The following EPHB1 variants were observed in gnomAD, a reference collection of about 807,000 sequenced individuals.
EPHB1 encodes ephrin type-B receptor 1.
In EPHB1, 30 loss-of-function variants were observed where a neutral mutation model predicts 94.4. The ratio of observed to expected loss-of-function variants is 0.32; its 90% CI spans 0.24 to 0.43. The LOEUF (loss-of-function observed/expected upper bound fraction) is 0.43, where lower values mean the gene tolerates loss of function less well. EPHB1 is among the 20% of genes least tolerant of loss of function. The pLI, the probability that EPHB1 is intolerant of heterozygous loss-of-function variation, is 1.00. For synonymous variants in EPHB1, 522 were observed against 489.1 expected (o/e 1.07, Z -0.89); for missense variants, 1,055 against 1,308.3 (o/e 0.81, Z 2.99).
intron 12 of EPHB1, among the ~76,000 whole-genome samples, chr3:135,226,601 C>T (rs550841167): frequency 7.9e-5 from 12 of 152,164 alleles, no homozygotes; most frequent in African/African-American, 2.4e-4. Flanking sequence ...TGGCTCTGCA[C>T]GGCTGTGATA....
At chr3:135,213,916 T>C (rs1039416869) in intron 12 of EPHB1, among the ~76,000 whole-genome samples, 7 of 152,172 alleles carry the variant, frequency 4.6e-5, no homozygotes, top group African/African-American at 1.7e-4. Context: ...AGCCGTGCTC[T>C]CTGCAGGCCT....
intron 3 of EPHB1, among the ~76,000 whole-genome samples, chr3:134,970,618 G>A (rs1214639270): frequency 1.3e-5 from 2 of 151,892 alleles, no homozygotes; most frequent in African/African-American, 4.8e-5. Flanking sequence ...GTAGGGAAAG[G>A]ATCTGCTTGT....
At chr3:135,129,543 A>G (rs1298582981) in intron 4 of EPHB1, among the ~76,000 whole-genome samples, 1 of 152,234 alleles carries the variant, frequency 6.6e-6, no homozygotes, top group African/African-American at 2.4e-5. Flanking sequence ...GAGCAAAGGT[A>G]GAAAACCAGG....
intron 3 of EPHB1, among the ~76,000 whole-genome samples, chr3:135,014,922 T>G (rs895844496): frequency 5.3e-5 from 8 of 152,208 alleles, no homozygotes; most frequent in Non-Finnish European, 1.5e-5. Context: ...TTCTTCTTAT[T>G]TAATAGACCT....
chr3:135,195,084 A>G (rs1420721274), intron 11 of EPHB1, among the ~76,000 whole-genome samples: 1 of 152,194 alleles, frequency 6.6e-6, no homozygotes, highest in Non-Finnish European at 1.5e-5. Flanking sequence ...ACAAAGTTGA[A>G]TAAACTTGAA....
chr3:134,903,181 CA>C (rs1188762592), intron 1 of EPHB1, among the ~76,000 whole-genome samples: 2 of 152,210 alleles, frequency 1.3e-5, no homozygotes, highest in African/African-American at 4.8e-5. Context: ...GCGGGCACTC[CA>C]CTTGGAGCTC....
chr3:135,119,487 G>A (rs557636734), intron 4 of EPHB1, among the ~76,000 whole-genome samples: 4 of 151,856 alleles, frequency 2.6e-5, no homozygotes, highest in Admixed American at 2.0e-4. Context: ...GAGTCTCGCT[G>A]TGTTGCCCAG....
At chr3:135,149,153 A>G (rs1941112283) in intron 5 of EPHB1, among the ~76,000 whole-genome samples, 1 of 152,218 alleles carries the variant, frequency 6.6e-6, no homozygotes, top group Admixed American at 6.5e-5. Flanking sequence ...CTTTCCAAGT[A>G]ACCCCAAACT....
At chr3:135,213,946 G>T (rs1303386253) in intron 12 of EPHB1, among the ~76,000 whole-genome samples, 1 of 152,088 alleles carries the variant, frequency 6.6e-6, no homozygotes, top group African/African-American at 2.4e-5. Flanking sequence ...ATCATGAATT[G>T]CATTAAGTCT....
intron 1 of EPHB1, among the ~76,000 whole-genome samples, chr3:134,818,689 T>C (rs1389512254): frequency 6.6e-6 from 1 of 152,254 alleles, no homozygotes; most frequent in Non-Finnish European, 1.5e-5. Flanking sequence ...CAAATGCCGT[T>C]AATTCATTCC....
At chr3:134,803,063 C>A (rs967614914) in intron 1 of EPHB1, among the ~76,000 whole-genome samples, 1 of 152,204 alleles carries the variant, frequency 6.6e-6, no homozygotes, top group Non-Finnish European at 1.5e-5. Flanking sequence ...GACAGCACCA[C>A]TAGCAGCTGC....
chr3:135,090,018 G>A (rs967147744), intron 3 of EPHB1, among the ~76,000 whole-genome samples: 4 of 152,236 alleles, frequency 2.6e-5, no homozygotes, highest in Non-Finnish European at 5.9e-5. Context: ...TGGTGATACT[G>A]ATGTTCATCC....
At chr3:135,089,675 T>A (rs1938488380) in intron 3 of EPHB1, among the ~76,000 whole-genome samples, 1 of 152,204 alleles carries the variant, frequency 6.6e-6, no homozygotes, top group African/African-American at 2.4e-5. Context: ...TTCCTGGGCA[T>A]GAGAGGGAGC....
intron 1 of EPHB1, among the ~76,000 whole-genome samples, chr3:134,923,402 G>A (rs909337041): frequency 3.3e-5 from 5 of 152,144 alleles, no homozygotes; most frequent in Admixed American, 6.5e-5. Flanking sequence ...GAGATACCCT[G>A]TACCCCACCT....
At chr3:135,019,501 A>G (rs1935917911) in intron 3 of EPHB1, among the ~76,000 whole-genome samples, 1 of 152,248 alleles carries the variant, frequency 6.6e-6, no homozygotes, top group Non-Finnish European at 1.5e-5. Context: ...CAGAAATAAA[A>G]TATGCCTATC....
At chr3:135,156,241 G>A (rs1941350619) in intron 6 of EPHB1, among the ~76,000 whole-genome samples, 1 of 151,988 alleles carries the variant, frequency 6.6e-6, no homozygotes, top group Admixed American at 6.5e-5. Context: ...ATTCACATCT[G>A]GAGTTCAAGG....
At chr3:135,248,268 G>A (rs2107731053) in intron 13 of EPHB1, 48 bp from the exon 14 acceptor site, 1 of 1,466,140 alleles carries the variant, frequency 6.8e-7, no homozygotes, top group Admixed American at 2.0e-5. Context: ...TGAGTGACTG[G>A]CTGGTGGCAG....
intron 1 of EPHB1, among the ~76,000 whole-genome samples, chr3:134,880,224 C>T (rs895460716): frequency 2.0e-4 from 30 of 152,200 alleles, no homozygotes; most frequent in African/African-American, 7.0e-4. Context: ...GAACAGCTGA[C>T]TGGAAAGTGT....
intron 2 of EPHB1, among the ~76,000 whole-genome samples, chr3:134,926,166 G>A (rs949657382): frequency 6.6e-6 from 1 of 152,202 alleles, no homozygotes; most frequent in African/African-American, 2.4e-5. Context: ...CAGGCTAGTG[G>A]CACTGAGGCA....
Sources: allele counts gnomAD v4.1 joint callset (sites outside exome capture counted in the v4.1 genomes callset), GRCh38; gene constraint gnomAD v4.1.1; transcripts MANE v1.5; gene names NCBI Gene and HGNC (gene_info 2026-07-23, HGNC 2026-07-21).